Variants in HK2 observed in about 807,000 individuals in gnomAD.
HK2 encodes the protein hexokinase 2, also known as hexokinase-2.
In HK2, 42 loss-of-function variants were observed where a neutral mutation model predicts 92.9. The observed-to-expected ratio is 0.45, with a 90% CI of 0.35 to 0.58. The LOEUF is 0.58. Ranked by LOEUF, HK2 falls within the 20% of genes least tolerant of loss-of-function variation. The probability of loss-of-function intolerance (pLI) is 0.00; values close to 1 mark genes in which losing one functional copy is unlikely to be tolerated. For synonymous variants in HK2, 422 were observed against 468.0 expected, an observed-to-expected ratio of 0.90 and a Z score of 1.27; for missense variants, 978 against 1,245.1, an observed-to-expected ratio of 0.79 and a Z score of 3.23.
At chr2:74,867,830 T>G in intron 3 of HK2, 46 bp downstream of exon 3, 2 of 1,609,940 alleles carry the variant, frequency 1.2e-6, no homozygotes, top group Non-Finnish European at 1.7e-6. Flanking sequence ...AAAAACTTCC[T>G]TGGCATGTTC....
intron 9 of HK2, 129 bp from the exon 10 acceptor site, chr2:74,880,136 T>C: frequency 1.0e-6 from 1 of 970,998 alleles, no homozygotes; most frequent in South Asian, 1.3e-5. Flanking sequence ...GAGAGGATGT[T>C]TAGGGCAGCA....
intron 2 of HK2, among the ~76,000 whole-genome samples, chr2:74,855,620 AG>A (rs1292688917): frequency 1.3e-5 from 2 of 152,262 alleles, no homozygotes; most frequent in Non-Finnish European, 2.9e-5. Context: ...CAAGTTGGAA[AG>A]GTCCAGTGGA....
intron 9 of HK2, among the ~76,000 whole-genome samples, chr2:74,879,433 A>G (rs1342862089): frequency 6.6e-6 from 1 of 151,928 alleles, no homozygotes; most frequent in Non-Finnish European, 1.5e-5. Context: ...TTTCCCCATC[A>G]TTTTCACCTA....
intron 1 of HK2, among the ~76,000 whole-genome samples, chr2:74,853,062 C>G (rs1273374515): frequency 6.6e-6 from 1 of 152,108 alleles, no homozygotes; most frequent in African/African-American, 2.4e-5. Flanking sequence ...TGAGAAGAGG[C>G]CTCTACAGAG....
intron 1 of HK2, among the ~76,000 whole-genome samples, chr2:74,848,189 A>G (rs1220272085): frequency 6.6e-6 from 1 of 152,094 alleles, no homozygotes; most frequent in African/African-American, 2.4e-5. Context: ...TAAATCTGTG[A>G]CACTTCCCAT....
chr2:74,888,527 A>G (rs969710257), intron 16 of HK2, among the ~76,000 whole-genome samples: 9 of 152,228 alleles, frequency 5.9e-5, no homozygotes, highest in Non-Finnish European at 8.8e-5. Context: ...TCCCTCCTAC[A>G]GTCAAATGGT....
chr2:74,867,296 T>A (rs1033990281), intron 2 of HK2, among the ~76,000 whole-genome samples: 7 of 152,102 alleles, frequency 4.6e-5, no homozygotes, highest in Non-Finnish European at 8.8e-5. Context: ...CATCATATGT[T>A]CTCACTCATA....
chr2:74,854,554 A>G, intron 2 of HK2, 99 bp downstream of exon 2: 1 of 1,292,456 alleles, frequency 7.7e-7, no homozygotes, highest in South Asian at 1.2e-5. Flanking sequence ...CTCAGAAACC[A>G]ACCCTGGCTA....
Position 74,882,221 on chromosome 2 carries a change from G to A in HK2, c.1821G>A (p.Gln607=). The change falls in exon 12 of 18, where the codon CAG becomes CAA. Residue 607 remains glutamine, a synonymous_variant. Coordinates refer to ENST00000290573, the MANE Select transcript of HK2 (RefSeq NM_000189.5). ...GTTTTACCTTCTCCTTCCCCTGCCA[G>A]CAGAACAGCCTGGACGAGGTAACAG... The part of the protein sequence containing the change: ...PLGFTFSFPC[Q]QNSLDESILL... 6.2e-7 allele frequency: 1 copy of A among 1,614,096 alleles called. No homozygotes were observed. Among genetic ancestry groups the A allele is most frequent in the Non-Finnish European group, 8.5e-7 (1 of 1,179,958 alleles).
Position 74,889,230 on chromosome 2 carries a change from T to C in HK2, c.2376-15T>C, listed in dbSNP as rs1431304943. ...GGTGCATGACTGAACACTTGCTGTC[T>C]CCCTCCCACCCCAGTGACTGCCTGG... On this transcript the variant is annotated splice_polypyrimidine_tract_variant and intron_variant, in intron 16 of 17. Coordinates refer to ENST00000290573, the MANE Select transcript of HK2 (RefSeq NM_000189.5). 6 of 1,604,710 alleles carry C rather than the reference T, an allele frequency of 3.7e-6. No individual in the cohort carries two copies. Among genetic ancestry groups the C allele is most frequent in the Non-Finnish European group, 5.1e-6 (6 of 1,173,896 alleles).
chr2:74,843,352 T>C (rs1306683549), intron 1 of HK2, among the ~76,000 whole-genome samples: 1 of 152,044 alleles, frequency 6.6e-6, no homozygotes, highest in Non-Finnish European at 1.5e-5. Context: ...ACCCATACCC[T>C]CCATCCCACC....
intron 12 of HK2, 119 bp downstream of exon 12, chr2:74,882,358 C>T: frequency 6.8e-7 from 1 of 1,475,214 alleles, no homozygotes. Flanking sequence ...GCGTGAGTTA[C>T]CAGTAGTGGG....
intron 12 of HK2, among the ~76,000 whole-genome samples, chr2:74,884,777 G>GAATAAAACC (rs770182580): frequency 9.2e-5 from 14 of 152,188 alleles, no homozygotes; most frequent in Non-Finnish European, 1.9e-4. Flanking sequence ...CAGCAGAGAG[G>GAATAAAACC]GCATCAGGGA....
intron 12 of HK2, among the ~76,000 whole-genome samples, chr2:74,885,231 T>C (rs1295268693): frequency 1.3e-5 from 2 of 152,104 alleles, no homozygotes; most frequent in Non-Finnish European, 2.9e-5. Context: ...GCCATAAACA[T>C]GATAGATGTT....
chr2:74,876,885 A>C (rs544329900), intron 7 of HK2, among the ~76,000 whole-genome samples: 2 of 152,326 alleles, frequency 1.3e-5, no homozygotes, highest in African/African-American at 4.8e-5. Flanking sequence ...CTTTACCTAA[A>C]ATACAGGCTG....
chr2:74,890,928 C>T lies in HK2; in HGVS notation c.2741C>T (p.Ala914Val). 1 of 1,614,208 alleles carries T rather than the reference C, an allele frequency of 6.2e-7. No homozygotes were observed. Among genetic ancestry groups the T allele is most frequent in the South Asian group, 1.1e-5 (1 of 91,084 alleles). ...ITAVACRIRE[A>V]GQR ...GCTGTGGCCTGCCGCATCCGTGAGGCTGGACAGCGATAGAACCCCTGAAAT... is the reference window on the plus strand; with the variant it reads ...GCTGTGGCCTGCCGCATCCGTGAGGTTGGACAGCGATAGAACCCCTGAAAT... Residue 914 changes from alanine to valine, a missense_variant, in exon 18 of 18, where the codon GCT (alanine) becomes GTT (valine). Ala to Val is a moderately conservative substitution (Grantham distance 64). Around this residue, in one of 3 missense-constraint regions of HK2, gnomAD observed 742 missense variants for 922.5 expected, o/e 0.80. Coordinates refer to ENST00000290573, the MANE Select transcript of HK2 (RefSeq NM_000189.5).
chr2:74,873,077 T>G (rs1689136564), intron 4 of HK2, among the ~76,000 whole-genome samples, 199 bp from the exon 5 acceptor site: 1 of 152,260 alleles, frequency 6.6e-6, no homozygotes, highest in Admixed American at 6.5e-5. Context: ...GAAACATTGT[T>G]ATGCGGCACA....
At chr2:74,852,724 T>C (rs1331512001) in intron 1 of HK2, among the ~76,000 whole-genome samples, 1 of 152,024 alleles carries the variant, frequency 6.6e-6, no homozygotes, top group Non-Finnish European at 1.5e-5. Context: ...GTGAGAGTTA[T>C]CTGATGCTTC....
chr2:74,848,853 G>A (rs768888989), intron 1 of HK2, among the ~76,000 whole-genome samples: 17 of 152,188 alleles, frequency 1.1e-4, no homozygotes, highest in South Asian at 6.2e-4. Flanking sequence ...TGAGATGGGC[G>A]CTTCTGGGCC....
Sources: allele counts gnomAD v4.1 joint callset (sites outside exome capture counted in the v4.1 genomes callset), GRCh38; gene constraint gnomAD v4.1.1; regional missense constraint gnomAD v4.1.1; transcripts MANE v1.5; gene names NCBI Gene and HGNC (gene_info 2026-07-23, HGNC 2026-07-21).